LHFPL6: variants seen among roughly 807,000 people sequenced by gnomAD.
LHFPL6 encodes the protein LHFPL tetraspan subfamily member 6.
LHFPL6 carries 9 observed loss-of-function variants against 20.6 expected under a neutral mutation model. That is an observed-to-expected ratio of 0.44 (90% CI 0.26 to 0.76). The LOEUF is 0.76. LHFPL6 is among the 30% of genes least tolerant of loss of function. The probability of loss-of-function intolerance (pLI) is 0.20; values close to 1 mark genes in which losing one functional copy is unlikely to be tolerated. For missense variants in LHFPL6, 218 were observed against 253.5 expected (o/e 0.86, Z 0.95); for synonymous variants, 105 against 98.7 (o/e 1.06, Z -0.38).
intron 2 of LHFPL6, among the ~76,000 whole-genome samples, chr13:39,444,105 T>A (rs1245665928): frequency 1.3e-5 from 2 of 152,188 alleles, no homozygotes; most frequent in African/African-American, 2.4e-5. Flanking sequence ...TTCATGGAAT[T>A]ATGTCCATGT....
At chr13:39,372,488 T>A (rs1396517905) in intron 3 of LHFPL6, among the ~76,000 whole-genome samples, 1 of 152,220 alleles carries the variant, frequency 6.6e-6, no homozygotes, top group Non-Finnish European at 1.5e-5. Flanking sequence ...TGTTTCTCTG[T>A]TTAAAAAAAT....
chr13:39,397,052 G>A (rs1206224981), intron 2 of LHFPL6, among the ~76,000 whole-genome samples: 2 of 151,882 alleles, frequency 1.3e-5, no homozygotes, highest in African/African-American at 4.8e-5. Context: ...CATGATTGGT[G>A]GTCCTTCCTT....
At chr13:39,389,289 C>T (rs1045520895) in intron 2 of LHFPL6, among the ~76,000 whole-genome samples, 1 of 152,144 alleles carries the variant, frequency 6.6e-6, no homozygotes, top group Non-Finnish European at 1.5e-5. Context: ...ACCAAATTCC[C>T]TTGGAAGAAA....
At chr13:39,364,030 T>G (rs1360326753) in intron 3 of LHFPL6, among the ~76,000 whole-genome samples, 1 of 152,216 alleles carries the variant, frequency 6.6e-6, no homozygotes, top group Admixed American at 6.5e-5. Context: ...CATAGCTCCA[T>G]CCTCATCTGG....
At chr13:39,483,244 C>A (rs1868598854) in intron 2 of LHFPL6, among the ~76,000 whole-genome samples, 4 of 152,024 alleles carry the variant, frequency 2.6e-5, no homozygotes, top group Admixed American at 1.3e-4. Context: ...TTTTTTGTGG[C>A]ACAGTCTCTG....
intron 2 of LHFPL6, among the ~76,000 whole-genome samples, chr13:39,407,488 A>C (rs1301553925): frequency 6.6e-6 from 1 of 152,256 alleles, no homozygotes; most frequent in East Asian, 1.9e-4. Context: ...GTAAGTGCCA[A>C]ATGGGACATG....
At chr13:39,567,033 T>TG (rs1217344519) in intron 2 of LHFPL6, among the ~76,000 whole-genome samples, 1 of 122,004 alleles carries the variant, frequency 8.2e-6, no homozygotes, top group African/African-American at 3.8e-5. Context: ...GCCAGGGTTT[T>TG]TTTTTTTTTT....
intron 2 of LHFPL6, among the ~76,000 whole-genome samples, chr13:39,527,316 T>A (rs1237483531): frequency 6.6e-6 from 1 of 152,174 alleles, no homozygotes. Context: ...GGCCCTCATG[T>A]GTCACCTAAG....
chr13:39,579,836 A>C (rs2138538079), intron 2 of LHFPL6, among the ~76,000 whole-genome samples: 1 of 152,336 alleles, frequency 6.6e-6, no homozygotes, highest in South Asian at 2.1e-4. Context: ...TGTTGGTAGA[A>C]TAACAATGGC....
chr13:39,343,382 A>C lies in LHFPL6; in HGVS notation c.*554T>G. 1 of 231,370 alleles carries C rather than the reference A, an allele frequency of 4.3e-6. No individual in the cohort carries two copies. The allele number at this position is 231,370 out of a possible 1,614,324, so 14.3% of individuals were successfully genotyped here. On this transcript the variant is annotated 3_prime_UTR_variant, in exon 4 of 4. Coordinates refer to ENST00000379589, the MANE Select transcript of LHFPL6 (RefSeq NM_005780.3). ...GGAGAAATGCACCACTAAACCTCCC[A>C]GTCTGTGCGATAATCCACGTTTGTG... is the stretch of plus-strand genomic sequence containing the variant.
intron 2 of LHFPL6, among the ~76,000 whole-genome samples, chr13:39,411,600 T>A (rs1871242083): frequency 6.6e-6 from 1 of 152,226 alleles, no homozygotes; most frequent in Non-Finnish European, 1.5e-5. Flanking sequence ...TCAGCTGTGA[T>A]TGAAGCACCT....
At chr13:39,428,370 C>T (rs952885876) in intron 2 of LHFPL6, among the ~76,000 whole-genome samples, 3 of 152,156 alleles carry the variant, frequency 2.0e-5, no homozygotes, top group African/African-American at 7.2e-5. Context: ...AGGTATTTTA[C>T]TACAAATTGA....
chr13:39,490,483 T>C lies in LHFPL6; in HGVS notation c.385+110349A>G, dbSNP rs569419261. On this transcript the variant is annotated intron_variant, in intron 2 of 3. Transcript: ENST00000379589. Reference sequence around the variant, plus strand: ...TCGCTCTCAGGTACAGCAGTCTCTGTGTTAACTCCATCTCCACTCTGGAAA... The same window carrying C: ...TCGCTCTCAGGTACAGCAGTCTCTGCGTTAACTCCATCTCCACTCTGGAAA... 5.9e-5 allele frequency among the ~76,000 whole-genome samples: 9 copies of C among 152,322 alleles called. No homozygotes were observed. The East Asian group carries it at 1.7e-3, about 29-fold the overall frequency.
intron 3 of LHFPL6, among the ~76,000 whole-genome samples, chr13:39,375,695 A>AG (rs1870276424): frequency 6.9e-6 from 1 of 144,810 alleles, no homozygotes; most frequent in Non-Finnish European, 1.5e-5. Context: ...GTCTCAAAAA[A>AG]AAAAAAAGGA....
chr13:39,513,265 C>A (rs1288975074), intron 2 of LHFPL6, among the ~76,000 whole-genome samples: 1 of 152,202 alleles, frequency 6.6e-6, no homozygotes, highest in Non-Finnish European at 1.5e-5. Context: ...ATAAGAAGGG[C>A]ATGGCCCTTC....
At chr13:39,426,637 C>T (rs1009975442) in intron 2 of LHFPL6, among the ~76,000 whole-genome samples, 2 of 152,206 alleles carry the variant, frequency 1.3e-5, no homozygotes, top group African/African-American at 4.8e-5. Context: ...TTTCAAGGTT[C>T]ACCCACGGTG....
chr13:39,563,510 G>A (rs986044465), intron 2 of LHFPL6, among the ~76,000 whole-genome samples: 1 of 152,098 alleles, frequency 6.6e-6, no homozygotes, highest in Admixed American at 6.6e-5. Context: ...ATGAGGCAAG[G>A]GAGCAAAAAT....
chr13:39,579,642 T>C (rs978216837), intron 2 of LHFPL6, among the ~76,000 whole-genome samples: 21 of 152,340 alleles, frequency 1.4e-4, no homozygotes, highest in African/African-American at 5.1e-4. Context: ...CCATCAAAGA[T>C]ATTATTTTCT....
chr13:39,571,091 C>T (rs887742412), intron 2 of LHFPL6, among the ~76,000 whole-genome samples: 1 of 152,092 alleles, frequency 6.6e-6, no homozygotes, highest in African/African-American at 2.4e-5. Flanking sequence ...TGAAAGATGC[C>T]TCAAACCACA....
Sources: allele counts gnomAD v4.1 joint callset (sites outside exome capture counted in the v4.1 genomes callset), GRCh38; gene constraint gnomAD v4.1.1; transcripts MANE v1.5; gene names NCBI Gene and HGNC (gene_info 2026-07-23, HGNC 2026-07-21).